Variants in MAGI2 observed in about 807,000 individuals in gnomAD.
The protein encoded by MAGI2 is membrane-associated guanylate kinase, WW and PDZ domain-containing protein 2.
MAGI2 carries 35 observed loss-of-function variants against 133.3 expected under a neutral mutation model. The observed-to-expected ratio is 0.26, with a 90% CI of 0.20 to 0.35. The LOEUF (loss-of-function observed/expected upper bound fraction) is 0.35, where lower values mean the gene tolerates loss of function less well. Ranked by LOEUF, MAGI2 falls within the 10% of genes least tolerant of loss-of-function variation. The pLI is 1.00. For synonymous variants in MAGI2, 729 were observed against 710.6 expected (o/e 1.03, Z -0.41); for missense variants, 1,636 against 1,863.4 (o/e 0.88, Z 2.25).
chr7:78,724,177 CA>C (rs1296644558), intron 2 of MAGI2, among the ~76,000 whole-genome samples: 2 of 152,062 alleles, frequency 1.3e-5, no homozygotes, highest in African/African-American at 4.8e-5. Context: ...AAGGTTGAGT[CA>C]GGGGCACAGC....
intron 10 of MAGI2, among the ~76,000 whole-genome samples, chr7:78,226,643 G>A (rs1375635212): frequency 6.6e-6 from 1 of 152,098 alleles, no homozygotes; most frequent in Non-Finnish European, 1.5e-5. Context: ...GTAATATCAC[G>A]GTCTGCCTTT....
chr7:79,316,424 A>G (rs1306242578), intron 1 of MAGI2, among the ~76,000 whole-genome samples: 1 of 152,176 alleles, frequency 6.6e-6, no homozygotes, highest in Admixed American at 6.6e-5. Flanking sequence ...CCCACTGAAA[A>G]ATATATGCTA....
intron 21 of MAGI2, among the ~76,000 whole-genome samples, chr7:78,040,436 C>T (rs566026810): frequency 1.3e-5 from 2 of 152,216 alleles, no homozygotes; most frequent in Non-Finnish European, 2.9e-5. Context: ...TCGCCGCGTT[C>T]TCTACCCTGC....
rs555361403 is a variant in MAGI2 at position 78,036,560 on chromosome 7, G to C, written c.3707-16584C>G. Among the ~76,000 whole-genome samples, 7 of 152,262 alleles carry C rather than the reference G, an allele frequency of 4.6e-5. No individual in the cohort carries two copies. In the East Asian group the frequency reaches 1.4e-3, roughly 29 times the overall value. ...TTTATTACACAGATGAAGAAACAGA[G>C]GTTCATAGAAGTTAAGTGGCTCATC... is the stretch of plus-strand genomic sequence containing the variant. On this transcript the variant is annotated intron_variant, in intron 21 of 21. Coordinates refer to ENST00000354212, the MANE Select transcript of MAGI2 (RefSeq NM_012301.4).
intron 6 of MAGI2, among the ~76,000 whole-genome samples, chr7:78,439,618 T>C (rs973837458): frequency 5.3e-5 from 8 of 152,176 alleles, no homozygotes; most frequent in East Asian, 1.9e-4. Context: ...TATTTACTTA[T>C]TGAGGTGAGC....
At chr7:78,061,189 T>TC (rs1274753457) in intron 21 of MAGI2, among the ~76,000 whole-genome samples, 8 of 151,090 alleles carry the variant, frequency 5.3e-5, no homozygotes, top group Non-Finnish European at 8.9e-5. Context: ...TTTTCTTTTT[T>TC]TTTTTAGATG....
rs74803268 is a variant in MAGI2, at chr7:78,524,658, A to G, written c.539-3013T>C. Among the ~76,000 whole-genome samples the G allele has an allele frequency of 3.7e-3, 559 of 152,322 alleles. 2 individuals carry two copies. Among genetic ancestry groups the G allele is most frequent in the African/African-American group, 0.013 (524 of 41,580 alleles). ...ATTTGATTTAGAGCATTTAAAATAA[A>G]TCAGACCTCTATATGTACCAGACAA... On this transcript the variant is annotated intron_variant, in intron 3 of 21. Transcript: ENST00000354212.
At chr7:78,184,515 CTGGAGATG>C (rs1210586268) in intron 13 of MAGI2, 2 of 152,162 alleles carry the variant, frequency 1.3e-5, no homozygotes, top group Non-Finnish European at 2.9e-5. Context: ...TGGAAACACT[CTGGAGATG>C]TGTGCTGTGA....
At chr7:79,108,486 A>G (rs1818628854) in intron 1 of MAGI2, among the ~76,000 whole-genome samples, 1 of 152,218 alleles carries the variant, frequency 6.6e-6, no homozygotes, top group South Asian at 2.1e-4. Context: ...GGAAATACCT[A>G]GTTGGAAAGT....
chr7:78,495,915 T>G (rs1794050168), intron 5 of MAGI2, among the ~76,000 whole-genome samples: 1 of 152,184 alleles, frequency 6.6e-6, no homozygotes, highest in African/African-American at 2.4e-5. Context: ...TCAATGTATC[T>G]CCTGTCTTTG....
intron 9 of MAGI2, among the ~76,000 whole-genome samples, chr7:78,274,738 G>A (rs975029986): frequency 2.0e-5 from 3 of 152,106 alleles, no homozygotes; most frequent in African/African-American, 7.2e-5. Flanking sequence ...TATGTACACT[G>A]TGAGGGGAAA....
In MAGI2 at chr7:78,701,531, T is replaced by C. The variant is rs80219641; in HGVS notation, c.419-74292A>G. On this transcript the variant is annotated intron_variant, in intron 2 of 21. Coordinates refer to ENST00000354212, the MANE Select transcript of MAGI2 (RefSeq NM_012301.4). ...CATAATTCATGTTTGGAATCTTACGTAGGGTGTAGGAACACTAAGTTCACA... is the reference window on the plus strand; with the variant it reads ...CATAATTCATGTTTGGAATCTTACGCAGGGTGTAGGAACACTAAGTTCACA... 1.8e-3 allele frequency among the ~76,000 whole-genome samples: 270 copies of C among 152,084 alleles called. 1 individual carries two copies. Among genetic ancestry groups the C allele is most frequent in the African/African-American group, 6.4e-3 (266 of 41,560 alleles).
intron 21 of MAGI2, among the ~76,000 whole-genome samples, chr7:78,041,277 A>G (rs1415142976): frequency 6.6e-6 from 1 of 152,148 alleles, no homozygotes; most frequent in Non-Finnish European, 1.5e-5. Flanking sequence ...TTCAAAATAG[A>G]GATACGAGTT....
At chr7:78,501,432 C>G in intron 5 of MAGI2, 145 bp downstream of exon 5, 1 of 675,074 alleles carries the variant, frequency 1.5e-6, no homozygotes, top group Non-Finnish European at 2.5e-6. Flanking sequence ...AGGCACTATC[C>G]CACTATTCTC....
intron 2 of MAGI2, among the ~76,000 whole-genome samples, chr7:78,899,334 T>C (rs1182312761): frequency 6.6e-6 from 1 of 152,148 alleles, no homozygotes; most frequent in East Asian, 1.9e-4. Flanking sequence ...AAATCGTTAA[T>C]GTTATTTCTT....
At chr7:79,141,190 T>C (rs1199676054) in intron 1 of MAGI2, among the ~76,000 whole-genome samples, 1 of 152,208 alleles carries the variant, frequency 6.6e-6, no homozygotes, top group Non-Finnish European at 1.5e-5. Context: ...ACCTGGATTG[T>C]TTTCTCAACT....
chr7:78,336,519 T>C (rs575156574), intron 9 of MAGI2, among the ~76,000 whole-genome samples: 2 of 152,210 alleles, frequency 1.3e-5, no homozygotes, highest in South Asian at 4.2e-4. Context: ...GGCCAGGAGT[T>C]TGAGACCAGC....
intron 1 of MAGI2, among the ~76,000 whole-genome samples, chr7:79,439,398 T>A (rs933903115): frequency 3.9e-5 from 6 of 152,108 alleles, no homozygotes; most frequent in Non-Finnish European, 8.8e-5. Context: ...AAGGAAGCGA[T>A]AGCCATAGAC....
chr7:79,453,097 G>A lies in MAGI2; in HGVS notation c.224C>T (p.Ala75Val), dbSNP rs747169953. Residue 75 changes from alanine (A) to valine (V), a missense_variant, in exon 1 of 22, where the codon GCG (alanine) becomes GTG (valine). Ala to Val is a moderately conservative substitution (Grantham distance 64, BLOSUM62 0). Transcript: ENST00000354212. ...CAGCACGTCCCTGATGGTGAGCCCCGCCACGGGGGTCTCGTTCACCTCCAG... is the reference window on the plus strand; with the variant it reads ...CAGCACGTCCCTGATGGTGAGCCCCACCACGGGGGTCTCGTTCACCTCCAG... ...LLLEVNETPVAGLTIRDVLAV... is the reference protein window; with the variant it reads ...LLLEVNETPVVGLTIRDVLAV... The A allele has an allele frequency of 6.2e-7, 1 of 1,613,606 alleles. No homozygotes were observed. The highest frequency in any genetic ancestry group is 1.7e-5 in the Admixed American group (1 of 59,986).
Sources: gnomAD v4.1 joint callset for allele counts (sites outside exome capture counted in the v4.1 genomes callset) on GRCh38, gnomAD v4.1.1 for gene constraint, MANE v1.5 for transcripts, NCBI Gene and HGNC (gene_info 2026-07-23, HGNC 2026-07-21) for gene names.